Variants in IRF2 observed in about 807,000 individuals in gnomAD.
IRF2 encodes interferon regulatory factor 2.
IRF2 carries 15 observed loss-of-function variants against 40.6 expected under a neutral mutation model. The observed-to-expected ratio is 0.37, with a 90% CI of 0.25 to 0.57. IRF2 has a LOEUF of 0.57. Among genes scored for constraint, IRF2 ranks in the 20% least tolerant of loss-of-function variants. IRF2 has a pLI of 0.77. For synonymous variants in IRF2, 151 were observed against 165.5 expected (o/e 0.91, Z 0.67); for missense variants, 317 against 455.7 (o/e 0.70, Z 2.77).
At chr4:184,428,910 C>T (rs984527575) in intron 2 of IRF2, 68 bp downstream of exon 2, 12 of 1,216,964 alleles carry the variant, frequency 9.9e-6, no homozygotes, top group Admixed American at 5.1e-5. Flanking sequence ...ATTTTACTTT[C>T]AGCAGTCCGC....
chr4:184,463,987 G>GA (rs1438226775), intron 1 of IRF2, among the ~76,000 whole-genome samples: 1 of 151,984 alleles, frequency 6.6e-6, no homozygotes, highest in African/African-American at 2.4e-5. Flanking sequence ...AATATAAAGG[G>GA]AAAAAATGTA....
chr4:184,392,130 G>A (rs565005630), intron 7 of IRF2, among the ~76,000 whole-genome samples: 1 of 152,330 alleles, frequency 6.6e-6, no homozygotes, highest in African/African-American at 2.4e-5. Context: ...GATTATTCCA[G>A]TGTCCATAAC....
intron 7 of IRF2, among the ~76,000 whole-genome samples, chr4:184,398,344 A>T (rs1353975576): frequency 6.6e-6 from 1 of 152,190 alleles, no homozygotes; most frequent in Non-Finnish European, 1.5e-5. Context: ...AAGAAATCTT[A>T]TCTGTAACCA....
intron 7 of IRF2, among the ~76,000 whole-genome samples, chr4:184,395,134 G>A (rs1033932297): frequency 3.3e-5 from 5 of 152,264 alleles, no homozygotes; most frequent in African/African-American, 7.2e-5. Flanking sequence ...AGAGCATGCC[G>A]GGCGCGGTGG....
chr4:184,402,877 A>G lies in IRF2; in HGVS notation c.530-3798T>C, dbSNP rs1430850332. ...TACATCACTGAGTGCGTCTGTCAAC[A>G]TTTATAGGACCGTGTGCCTTAAAAG... is the stretch of plus-strand genomic sequence containing the variant. On this transcript the variant is annotated intron_variant, in intron 6 of 8. Transcript: ENST00000393593. 2.0e-5 allele frequency among the ~76,000 whole-genome samples: 3 copies of G among 152,156 alleles called. No homozygotes were observed. In the East Asian group the frequency reaches 5.8e-4, roughly 29 times the overall value.
chr4:184,423,078 G>A (rs73874643), intron 2 of IRF2, among the ~76,000 whole-genome samples: 4,214 of 152,266 alleles, frequency 0.028, 195 homozygotes, highest in African/African-American at 0.095. Context: ...GAGAAAGCAA[G>A]ATTCATTTTA....
intron 1 of IRF2, among the ~76,000 whole-genome samples, chr4:184,465,148 C>CA (rs1739277096): frequency 6.6e-6 from 1 of 151,514 alleles, no homozygotes; most frequent in South Asian, 2.1e-4. Flanking sequence ...CAGTTACTGA[C>CA]AAAACATTAT....
Position 184,388,794 on chromosome 4 carries a change from T to C in IRF2, c.1014A>G (p.Thr338=), listed in dbSNP as rs377589475. The C allele has an allele frequency of 5.0e-6, 8 of 1,613,222 alleles. No homozygotes were observed. Among genetic ancestry groups the C allele is most frequent in the Middle Eastern group, 1.8e-4 (1 of 5,548 alleles). Residue 338 remains threonine, a synonymous_variant, in exon 9 of 9, where the codon ACA becomes ACG. Coordinates refer to ENST00000393593, the MANE Select transcript of IRF2 (RefSeq NM_002199.4). This position sits in a 1 kb window ranked among gnomAD's most constrained non-coding sequence, Gnocchi z 4.6. The part of the protein sequence containing the change: ...RETRASVIKK[T]SDITQARVKS... ...TGACGCGGGCCTGGGTGATATCCGA[T>C]GTTTTCTTGATGACGCTGGCCCGGG...
chr4:184,421,393 A>C (rs1737477331), intron 2 of IRF2, among the ~76,000 whole-genome samples: 2 of 152,200 alleles, frequency 1.3e-5, no homozygotes, highest in Admixed American at 1.3e-4. Context: ...GGGTTAGCCA[A>C]TTTCAAAAGG....
chr4:184,469,245 C>T (rs1168323701), intron 1 of IRF2, among the ~76,000 whole-genome samples: 4 of 152,124 alleles, frequency 2.6e-5, no homozygotes, highest in African/African-American at 9.7e-5. Context: ...TTCTCTCACA[C>T]GGAGCCGGCC....
intron 2 of IRF2, among the ~76,000 whole-genome samples, chr4:184,423,185 G>A (rs62337751): frequency 0.065 from 9,818 of 152,098 alleles, 418 homozygotes; most frequent in Non-Finnish European, 0.093. Context: ...ACCCCGTGAC[G>A]TCAGTATGTG....
At position 184,413,419 on chromosome 4, in the gene IRF2, T is replaced by C. The variant is rs962332569; in HGVS notation, c.411+4748A>G. Among the ~76,000 whole-genome samples the C allele has an allele frequency of 3.3e-5, 5 of 152,220 alleles. No homozygotes were observed. Among genetic ancestry groups the C allele is most frequent in the Admixed American group, 3.3e-4 (5 of 15,288 alleles). On this transcript the variant is annotated intron_variant, in intron 5 of 8. Coordinates refer to ENST00000393593, the MANE Select transcript of IRF2 (RefSeq NM_002199.4). This position sits in a 1 kb window ranked among gnomAD's most constrained non-coding sequence, Gnocchi z 4.2. Reference sequence around the variant, plus strand: ...TTCACCCAGGGCATCTCTCATCTTATCTGTTTTTCAAGTGAGTTGCTGGTG... The same window carrying C: ...TTCACCCAGGGCATCTCTCATCTTACCTGTTTTTCAAGTGAGTTGCTGGTG...
chr4:184,430,389 C>T (rs1311043981), intron 1 of IRF2, among the ~76,000 whole-genome samples: 1 of 143,600 alleles, frequency 7.0e-6, no homozygotes, highest in African/African-American at 2.6e-5. Context: ...ACCTCCTGCT[C>T]CGTGCTCATC....
intron 1 of IRF2, among the ~76,000 whole-genome samples, chr4:184,460,821 T>A (rs1402436387): frequency 6.6e-6 from 1 of 152,126 alleles, no homozygotes; most frequent in African/African-American, 2.4e-5. Flanking sequence ...CTAAATGATA[T>A]CTAAAGTAGG....
At chr4:184,453,022 A>G (rs1162657255) in intron 1 of IRF2, among the ~76,000 whole-genome samples, 1 of 152,104 alleles carries the variant, frequency 6.6e-6, no homozygotes, top group Non-Finnish European at 1.5e-5. Flanking sequence ...TGTGTGAAAC[A>G]TGCTGTCTTA....
rs934562149 is a variant in IRF2 at position 184,405,237 on chromosome 4, C to T, written c.529+2921G>A. Among the ~76,000 whole-genome samples, 6 of 152,124 alleles carry T rather than the reference C, an allele frequency of 3.9e-5. No individual in the cohort carries two copies. In the South Asian group the frequency reaches 6.2e-4, roughly 16 times the overall value. On this transcript the variant is annotated intron_variant, in intron 6 of 8. Coordinates refer to ENST00000393593, the MANE Select transcript of IRF2 (RefSeq NM_002199.4). ...CCAGCCTGGGCAACAGAGTGAAACT[C>T]GGTCTCAAAAACAAAACAAAACAAA...
In IRF2 at chr4:184,418,519, T is replaced by C; in HGVS notation, c.364+13A>G. ...AATTGATTTACCTTATTTTAGTCTG[T>C]AAATGCCTTTACCTTTCTTAGAAGG... On this transcript the variant is annotated intron_variant, in intron 4 of 8. Transcript: ENST00000393593. 3.7e-6 allele frequency: 6 copies of C among 1,612,412 alleles called. No homozygotes were observed. Among genetic ancestry groups the C allele is most frequent in the Non-Finnish European group, 5.1e-6 (6 of 1,178,450 alleles).
chr4:184,432,723 G>A (rs994716082), intron 1 of IRF2, among the ~76,000 whole-genome samples: 2 of 152,174 alleles, frequency 1.3e-5, no homozygotes, highest in South Asian at 2.1e-4. Flanking sequence ...GAAGAATGCC[G>A]CGTGAAGACA....
At position 184,428,618 on chromosome 4, in the gene IRF2, C is replaced by T. The variant is rs922803376; in HGVS notation, c.87+360G>A. ...TTCAAGACCAGCCTGGGCAACATGG[C>T]GAGATCCCAGCTCTACAAAAAAATA... is the stretch of plus-strand genomic sequence containing the variant. On this transcript the variant is annotated intron_variant, in intron 2 of 8. Coordinates refer to ENST00000393593, the MANE Select transcript of IRF2 (RefSeq NM_002199.4). The T allele has an allele frequency of 5.9e-4, 248 of 421,108 alleles. 2 individuals carry two copies. Among genetic ancestry groups the T allele is most frequent in the Middle Eastern group, 4.7e-3 (6 of 1,284 alleles). 26.1% of individuals were successfully genotyped at this position (421,108 alleles called of 1,614,324 possible).
Sources: gnomAD v4.1 joint callset for allele counts (sites outside exome capture counted in the v4.1 genomes callset) on GRCh38, gnomAD v4.1.1 for gene constraint, Gnocchi (gnomAD v3.1) non-coding constraint, MANE v1.5 for transcripts, NCBI Gene and HGNC (gene_info 2026-07-23, HGNC 2026-07-21) for gene names.